ASMT: variants seen among roughly 807,000 people sequenced by gnomAD.
ASMT encodes acetylserotonin O-methyltransferase.
In ASMT, 53 loss-of-function variants were observed where a neutral mutation model predicts 41.3. The ratio of observed to expected loss-of-function variants is 1.28; its 90% confidence interval spans 1.03 to 1.61. The LOEUF (loss-of-function observed/expected upper bound fraction) is 1.61, where lower values mean the gene tolerates loss of function less well. ASMT is among the 40% of genes most tolerant of loss of function. The pLI, the probability that ASMT is intolerant of heterozygous loss-of-function variation, is 0.00. For synonymous variants in ASMT, 231 were observed against 184.8 expected (o/e 1.25, Z -2.03); for missense variants, 531 against 441.3 (o/e 1.20, Z -1.82).
chrX:1,626,820 G>T (rs1934565811), intron 3 of ASMT, among the ~76,000 whole-genome samples: 1 of 75,488 alleles, frequency 1.3e-5, no homozygotes, highest in Non-Finnish European at 2.9e-5. Flanking sequence ...CTGAGGTCAC[G>T]AGTTCGAGAC....
intron 3 of ASMT, among the ~76,000 whole-genome samples, chrX:1,626,945 C>T (rs1273656844): frequency 6.6e-6 from 1 of 151,176 alleles, no homozygotes; most frequent in African/African-American, 2.4e-5. Context: ...AGGAGAATCG[C>T]TTGAACCGAG....
At chrX:1,629,527 T>C (rs1934689862) in intron 4 of ASMT, among the ~76,000 whole-genome samples, 1 of 152,200 alleles carries the variant, frequency 6.6e-6, no homozygotes, top group Non-Finnish European at 1.5e-5. Flanking sequence ...GAACGTATTA[T>C]TGACTTTCCT....
At chrX:1,642,045 T>C (rs1372334466) in intron 8 of ASMT, among the ~76,000 whole-genome samples, 1 of 146,244 alleles carries the variant, frequency 6.8e-6, no homozygotes, top group Non-Finnish European at 1.5e-5. Context: ...CAGTGTCCTG[T>C]GAGGTCCATC....
chrX:1,637,040 C>G (rs1330208989), intron 8 of ASMT, among the ~76,000 whole-genome samples: 1 of 104,012 alleles, frequency 9.6e-6, no homozygotes, highest in Non-Finnish European at 2.0e-5. Context: ...GAGGTCCATC[C>G]ATCCTGATGG....
Position 1,633,204 on chromosome X carries a change from T to C in ASMT, c.701T>C (p.Ile234Thr). 6.2e-7 allele frequency: 1 copy of C among 1,613,838 alleles called. No homozygotes were observed. Among genetic ancestry groups the C allele is most frequent in the Non-Finnish European group, 8.5e-7 (1 of 1,179,826 alleles). Residue 234 changes from isoleucine (I) to threonine (T), a missense_variant, in exon 7 of 9, where the codon ATC becomes ACC. By Grantham distance (89) the Ile-to-Thr change is moderately conservative. Transcript: ENST00000381241. ...ATGTCTCTGTACCCTGGATGTAAGATCACCGTTTTTGACATCCCAGAAGTG... is the reference window on the plus strand; with the variant it reads ...ATGTCTCTGTACCCTGGATGTAAGACCACCGTTTTTGACATCCCAGAAGTG... ...ECMSLYPGCK[I>T]TVFDIPEVVW... is the part of the protein sequence containing the mutation.
At chrX:1,634,049 A>G (rs1431791313) in intron 7 of ASMT, among the ~76,000 whole-genome samples, 2 of 152,208 alleles carry the variant, frequency 1.3e-5, no homozygotes, top group African/African-American at 2.4e-5. Context: ...CTGGGATTAC[A>G]GGCGTGAGCC....
intron 1 of ASMT, among the ~76,000 whole-genome samples, chrX:1,617,459 G>C (rs1934177488): frequency 6.6e-6 from 1 of 151,910 alleles, no homozygotes; most frequent in Non-Finnish European, 1.5e-5. Flanking sequence ...GTGTCGCAGT[G>C]AGACTCTGTC....
At chrX:1,623,006 AAAAT>A (rs1332322954) in intron 1 of ASMT, 129 bp from the exon 2 acceptor site, 2 of 819,100 alleles carry the variant, frequency 2.4e-6, no homozygotes, top group Admixed American at 5.7e-5. Context: ...CTCAAAAAAA[AAAAT>A]AAATAAATGA....
At chrX:1,633,413 C>G in intron 7 of ASMT, 123 bp downstream of exon 7, 1 of 1,123,164 alleles carries the variant, frequency 8.9e-7, no homozygotes, top group South Asian at 1.2e-5. Flanking sequence ...ACACCCTCAA[C>G]TCAACACTGT....
chrX:1,620,070 G>A (rs867161224), intron 1 of ASMT, among the ~76,000 whole-genome samples: 11 of 150,986 alleles, frequency 7.3e-5, no homozygotes, highest in Non-Finnish European at 1.0e-4. Flanking sequence ...TCCAGCCTGG[G>A]TGACAGAGCC....
intron 4 of ASMT, among the ~76,000 whole-genome samples, chrX:1,628,561 T>C (rs1934644838): frequency 6.6e-6 from 1 of 151,876 alleles, no homozygotes; most frequent in African/African-American, 2.4e-5. Context: ...GCCTGAGTGG[T>C]TCGCCTGCCC....
chrX:1,627,607 CTGAAATGAAA>C (rs1934600147), intron 3 of ASMT, 86 bp from the exon 4 acceptor site: 2 of 1,289,128 alleles, frequency 1.6e-6, no homozygotes, highest in South Asian at 1.2e-5. Flanking sequence ...GGCTACAGAG[CTGAAATGAAA>C]TGAAACGAAA....
chrX:1,626,714 A>C (rs1387311954), intron 3 of ASMT, among the ~76,000 whole-genome samples: 5 of 152,218 alleles, frequency 3.3e-5, no homozygotes, highest in South Asian at 2.1e-4. Flanking sequence ...GTAACAATTA[A>C]GTCCTCAGGT....
At chrX:1,635,032 T>G (rs1934908243) in intron 7 of ASMT, among the ~76,000 whole-genome samples, 1 of 139,262 alleles carries the variant, frequency 7.2e-6, no homozygotes, top group African/African-American at 2.8e-5. Context: ...TGGAGTGCAG[T>G]GGTGGGATCT....
intron 8 of ASMT, 26 bp downstream of exon 8, chrX:1,636,586 C>A: frequency 6.2e-7 from 1 of 1,613,818 alleles, no homozygotes; most frequent in Non-Finnish European, 8.5e-7. Context: ...TGCATTTCAG[C>A]GTGTGCTTGT....
chrX:1,615,556 A>G (rs764962753), intron 1 of ASMT, among the ~76,000 whole-genome samples: 1 of 152,186 alleles, frequency 6.6e-6, no homozygotes, highest in Non-Finnish European at 1.5e-5. Flanking sequence ...TGATCCCAGC[A>G]CTTTGGGAGG....
chrX:1,622,938 AAAAT>A (rs1284367223), intron 1 of ASMT, among the ~76,000 whole-genome samples, 197 bp from the exon 2 acceptor site: 3 of 151,856 alleles, frequency 2.0e-5, no homozygotes, highest in South Asian at 2.1e-4. Flanking sequence ...TTAATTAATA[AAAAT>A]AAATAAATAA....
intron 1 of ASMT, among the ~76,000 whole-genome samples, chrX:1,616,205 TTTTAGTA>T (rs1569367908): frequency 1.3e-5 from 1 of 79,114 alleles, no homozygotes; most frequent in Admixed American, 1.2e-4. Flanking sequence ...ATTTTTGTAT[TTTTAGTA>T]GAGATGGGGT....
intron 7 of ASMT, 42 bp downstream of exon 7, chrX:1,633,332 C>T (rs1183243914): frequency 6.2e-7 from 1 of 1,612,926 alleles, no homozygotes; most frequent in Non-Finnish European, 8.5e-7. Flanking sequence ...TGTCTCACGG[C>T]TTCTCCAGGG....
Sources: gnomAD v4.1 joint callset for allele counts (sites outside exome capture counted in the v4.1 genomes callset) on GRCh38, gnomAD v4.1.1 for gene constraint, MANE v1.5 for transcripts, NCBI Gene and HGNC (gene_info 2026-07-23, HGNC 2026-07-21) for gene names.